PCMT1: variants seen among roughly 807,000 people sequenced by gnomAD.
PCMT1 encodes the protein protein-L-isoaspartate(D-aspartate) O-methyltransferase.
Under a neutral mutation model 29.2 loss-of-function variants are expected in PCMT1, and 9 were observed. That is an observed-to-expected ratio of 0.31 (90% CI 0.19 to 0.54). PCMT1 has a LOEUF of 0.54. Among genes scored for constraint, PCMT1 ranks in the 20% least tolerant of loss-of-function variants. The probability of loss-of-function intolerance (pLI) is 0.95; values close to 1 mark genes in which losing one functional copy is unlikely to be tolerated. For synonymous variants in PCMT1, 98 were observed against 97.5 expected, an observed-to-expected ratio of 1.00 and a Z score of -0.03; for missense variants, 184 against 282.2, an observed-to-expected ratio of 0.65 and a Z score of 2.49.
chr6:149,750,185 T>A, intron 1 of PCMT1: 1 of 618,486 alleles, frequency 1.6e-6, no homozygotes, highest in Non-Finnish European at 2.8e-6. Context: ...CAGGGGCCGC[T>A]GCTGGTGGGG....
At chr6:149,751,476 CTT>C (rs76128652) in intron 1 of PCMT1, among the ~76,000 whole-genome samples, 3 of 116,556 alleles carry the variant, frequency 2.6e-5, no homozygotes, top group Non-Finnish European at 1.7e-5. Context: ...ATGGTTGGTA[CTT>C]TTTTTTTTTT....
chr6:149,778,383 C>G (rs1239513100), intron 3 of PCMT1, among the ~76,000 whole-genome samples: 2 of 151,694 alleles, frequency 1.3e-5, no homozygotes, highest in Non-Finnish European at 2.9e-5. Context: ...TGTGCACCAC[C>G]ACACCCGGCT....
intron 1 of PCMT1, among the ~76,000 whole-genome samples, chr6:149,760,224 T>C (rs1034316070): frequency 6.6e-6 from 1 of 152,138 alleles, no homozygotes. Context: ...TAGAGTCTTA[T>C]ATAGCTTACT....
rs1786508917 is a variant in PCMT1, at chr6:149,756,493, T to G, written c.55+6537T>G. Among the ~76,000 whole-genome samples the G allele has an allele frequency of 2.1e-5, 3 of 142,660 alleles. No individual in the cohort carries two copies. The South Asian group carries it at 6.6e-4, about 31-fold the overall frequency. 93.6% of individuals were successfully genotyped at this position (142,660 alleles called of 152,430 possible). On this transcript the variant is annotated intron_variant, in intron 1 of 7. Coordinates refer to ENST00000464889, the MANE Select transcript of PCMT1 (RefSeq NM_001360452.2). ...CCTCCCGAGTAACTGGGACTACAGATGCACACCACCATGACTGGCTTTTTT... is the reference window on the plus strand; with the variant it reads ...CCTCCCGAGTAACTGGGACTACAGAGGCACACCACCATGACTGGCTTTTTT...
chr6:149,768,393 C>T (rs1377085121), intron 1 of PCMT1, among the ~76,000 whole-genome samples: 1 of 151,420 alleles, frequency 6.6e-6, no homozygotes, highest in Non-Finnish European at 1.5e-5. Flanking sequence ...CACCTGGCCC[C>T]TAATTTTTAA....
chr6:149,788,190 G>A (rs530363050), intron 3 of PCMT1, among the ~76,000 whole-genome samples: 6 of 152,140 alleles, frequency 3.9e-5, no homozygotes, highest in Non-Finnish European at 8.8e-5. Context: ...TGGGATTACA[G>A]GTGTGAGCCA....
At chr6:149,777,784 GCTTT>G (rs991160995) in intron 3 of PCMT1, among the ~76,000 whole-genome samples, 2 of 149,782 alleles carry the variant, frequency 1.3e-5, no homozygotes, top group African/African-American at 2.5e-5. Flanking sequence ...TTCTTTCTTT[GCTTT>G]CTTTGACTTT....
intron 1 of PCMT1, among the ~76,000 whole-genome samples, chr6:149,768,394 T>G (rs1787177700): frequency 1.3e-5 from 2 of 151,324 alleles, no homozygotes; most frequent in Non-Finnish European, 2.9e-5. Context: ...ACCTGGCCCC[T>G]AATTTTTAAA....
chr6:149,775,679 G>A (rs1417758620), intron 3 of PCMT1, among the ~76,000 whole-genome samples: 3 of 152,206 alleles, frequency 2.0e-5, no homozygotes, highest in Admixed American at 6.6e-5. Flanking sequence ...CTGCACTCCA[G>A]CCTGGTTGAC....
At chr6:149,749,984 G>A (rs1159174689) in intron 1 of PCMT1, 28 bp downstream of exon 1, 5 of 1,594,766 alleles carry the variant, frequency 3.1e-6, no homozygotes, top group Non-Finnish European at 4.3e-6. Flanking sequence ...CCGTTGTAGG[G>A]CAGCTGGGGC....
At chr6:149,802,615 G>A (rs3828703) in intron 7 of PCMT1, 199 bp downstream of exon 7, 2 of 204,870 alleles carry the variant, frequency 9.8e-6, no homozygotes, top group Non-Finnish European at 1.1e-5. Flanking sequence ...GGCTTTTTTT[G>A]TTTGTTTGTT....
At chr6:149,751,054 C>A (rs1017045046) in intron 1 of PCMT1, among the ~76,000 whole-genome samples, 1 of 152,162 alleles carries the variant, frequency 6.6e-6, no homozygotes, top group Admixed American at 6.5e-5. Context: ...CATTGGCTCA[C>A]GCCTGTAATG....
chr6:149,771,343 A>C (rs1787313975), intron 2 of PCMT1, 77 bp downstream of exon 2: 3 of 861,994 alleles, frequency 3.5e-6, no homozygotes, highest in Non-Finnish European at 5.6e-6. Context: ...AAAGCCTGGG[A>C]CACAGATATT....
intron 3 of PCMT1, among the ~76,000 whole-genome samples, chr6:149,789,380 C>G (rs1022036424): frequency 2.0e-5 from 3 of 151,814 alleles, no homozygotes; most frequent in African/African-American, 7.3e-5. Flanking sequence ...CCAGCCTGAT[C>G]TGATTATTTT....
chr6:149,771,230 A>G lies in PCMT1; in HGVS notation c.124A>G (p.Lys42Glu). Residue 42 changes from lysine (K) to glutamate (E), a missense_variant, in exon 2 of 8, where the codon AAA (lysine) becomes GAA (glutamate). Physicochemically the swap from Lys to Glu is moderately conservative, Grantham distance 56. Coordinates refer to ENST00000464889, the MANE Select transcript of PCMT1 (RefSeq NM_001360452.2). ...MLATDRSHYA[K>E]CNPYMDSPQS... ...GGCTACAGACCGCTCCCACTATGCA[A>G]AATGTAACCCATACATGGATTCTCC... is the stretch of plus-strand genomic sequence containing the variant. The G allele has an allele frequency of 6.2e-7, 1 of 1,610,528 alleles. No individual in the cohort carries two copies. Among genetic ancestry groups the G allele is most frequent in the Non-Finnish European group, 8.5e-7 (1 of 1,176,922 alleles).
At chr6:149,781,049 T>G (rs1246520344) in intron 3 of PCMT1, among the ~76,000 whole-genome samples, 1 of 152,130 alleles carries the variant, frequency 6.6e-6, no homozygotes, top group Non-Finnish European at 1.5e-5. Flanking sequence ...TCCATCCTAG[T>G]GACTATGAAG....
At chr6:149,805,206 C>A (rs1291496886) in intron 7 of PCMT1, among the ~76,000 whole-genome samples, 2 of 152,212 alleles carry the variant, frequency 1.3e-5, no homozygotes, top group Non-Finnish European at 2.9e-5. Context: ...GCATTCCAGG[C>A]TGGGCAACAG....
intron 1 of PCMT1, among the ~76,000 whole-genome samples, chr6:149,765,382 A>G (rs565901147): frequency 2.0e-5 from 3 of 150,210 alleles, no homozygotes; most frequent in Admixed American, 6.6e-5. Flanking sequence ...AAAAAAAATT[A>G]AAAAATGCTT....
intron 4 of PCMT1, 56 bp downstream of exon 4, chr6:149,790,114 T>G: frequency 9.3e-7 from 1 of 1,071,112 alleles, no homozygotes; most frequent in Non-Finnish European, 1.4e-6. Context: ...ATGATTTGGC[T>G]GTATGTTTTT....
Sources: gnomAD v4.1 joint callset for allele counts (sites outside exome capture counted in the v4.1 genomes callset) on GRCh38, gnomAD v4.1.1 for gene constraint, MANE v1.5 for transcripts, NCBI Gene and HGNC (gene_info 2026-07-23, HGNC 2026-07-21) for gene names.